SKI: variants seen among roughly 807,000 people sequenced by gnomAD.
The protein encoded by SKI is SKI proto-oncogene.
A neutral mutation model predicts 59.3 loss-of-function variants in SKI; 23 were observed. The ratio of observed to expected loss-of-function variants is 0.39; its 90% CI spans 0.28 to 0.55. The LOEUF (loss-of-function observed/expected upper bound fraction) is 0.55. SKI is among the 20% of genes least tolerant of loss of function. The pLI is 0.67. For synonymous variants in SKI, 673 were observed against 488.6 expected, an observed-to-expected ratio of 1.38 and a Z score of -4.98; for missense variants, 1,017 against 1,038.9, an observed-to-expected ratio of 0.98 and a Z score of 0.29.
At position 2,304,425 on chromosome 1, in the gene SKI, G is replaced by T; in HGVS notation, c.1607G>T (p.Ser536Ile). The stretch of plus-strand genomic sequence containing the variant: ...GCTGCGGCCCCTGCCGACGCCCCCA[G>T]TGGGCTGGAGGCGGAGCTGGAGCAC... ...PDAAAPADAP[S>I]GLEAELEHLR... The change falls in exon 5 of 7, where the codon AGT (serine) becomes ATT (isoleucine). Residue 536 changes from serine (S) to isoleucine (I), a missense_variant. By Grantham distance (142) the Ser-to-Ile change is moderately radical (BLOSUM62 -2). Coordinates refer to ENST00000378536, the MANE Select transcript of SKI (RefSeq NM_003036.4). 1 of 1,557,754 alleles carries T rather than the reference G, an allele frequency of 6.4e-7. No homozygotes were observed. The highest frequency in any genetic ancestry group is 8.7e-7 in the Non-Finnish European group (1 of 1,151,536).
At chr1:2,287,712 G>A (rs535111546) in intron 1 of SKI, among the ~76,000 whole-genome samples, 4 of 152,330 alleles carry the variant, frequency 2.6e-5, no homozygotes, top group South Asian at 2.1e-4. Context: ...CCTGTGTGGG[G>A]CGTGGGGGTG....
chr1:2,257,772 C>G (rs1257583192), intron 1 of SKI, among the ~76,000 whole-genome samples: 1 of 152,048 alleles, frequency 6.6e-6, no homozygotes, highest in South Asian at 2.1e-4. Context: ...GAACTTTGCT[C>G]TTGTTGCCCA....
intron 1 of SKI, among the ~76,000 whole-genome samples, chr1:2,254,652 C>T (rs1381964896): frequency 1.3e-5 from 2 of 152,294 alleles, no homozygotes; most frequent in East Asian, 1.9e-4. Context: ...GTGAAGTGGA[C>T]TGGGAGGTAG....
At chr1:2,240,723 G>A (rs926703851) in intron 1 of SKI, 83 of 985,346 alleles carry the variant, frequency 8.4e-5, no homozygotes, top group South Asian at 1.4e-4. Context: ...CCAGGAGAGC[G>A]GTGGCGCAGA....
At chr1:2,277,815 C>G (rs113170116) in intron 1 of SKI, among the ~76,000 whole-genome samples, 1 of 143,894 alleles carries the variant, frequency 6.9e-6, no homozygotes, top group African/African-American at 2.6e-5. Flanking sequence ...CCTGCACTCA[C>G]GCACACACCT....
intron 1 of SKI, among the ~76,000 whole-genome samples, chr1:2,301,415 G>A (rs1396333932): frequency 2.0e-5 from 3 of 151,306 alleles, no homozygotes; most frequent in African/African-American, 4.9e-5. Context: ...GGCCCTGTGC[G>A]CCCGAGCACT....
At chr1:2,236,209 T>C (rs1569680261) in intron 1 of SKI, among the ~76,000 whole-genome samples, 1 of 151,788 alleles carries the variant, frequency 6.6e-6, no homozygotes, top group Non-Finnish European at 1.5e-5. Context: ...GCCGTGGGGG[T>C]TGTTGCCTGT....
rs1639531211 is a variant in SKI at position 2,267,783 on chromosome 1, A to G, written c.970-35195A>G. Reference sequence around the variant, plus strand: ...GGCCTTTCTACTTCCAGACTGTCCCAGGACACGGGTCCACGGTCACACGGT... The same window carrying G: ...GGCCTTTCTACTTCCAGACTGTCCCGGGACACGGGTCCACGGTCACACGGT... On this transcript the variant is annotated intron_variant, in intron 1 of 6. Coordinates refer to ENST00000378536, the MANE Select transcript of SKI (RefSeq NM_003036.4). This position sits in a 1 kb window ranked among gnomAD's most constrained non-coding sequence, Gnocchi z 4.1. 6.6e-6 allele frequency among the ~76,000 whole-genome samples: 1 copy of G among 152,358 alleles called. No homozygotes were observed. Among genetic ancestry groups the G allele is most frequent in the South Asian group, 2.1e-4 (1 of 4,832 alleles).
chr1:2,288,527 C>CT (rs1159291627), intron 1 of SKI, among the ~76,000 whole-genome samples: 1 of 152,216 alleles, frequency 6.6e-6, no homozygotes, highest in East Asian at 1.9e-4. Flanking sequence ...GGGAGTGGCT[C>CT]TTTTCAGAGG....
rs1445331221 is a variant in SKI, at chr1:2,228,487, A to G, written c.-280A>G. The stretch of plus-strand genomic sequence containing the variant: ...CTAGAGCCCGGGGGGCGCGCGGGGG[A>G]CGCGCGGGGGGCCCGGGCGGCGGCG... On this transcript the variant is annotated 5_prime_UTR_variant, in exon 1 of 7. Transcript: ENST00000378536. Among the ~76,000 whole-genome samples, 17 of 132,042 alleles carry G rather than the reference A, an allele frequency of 1.3e-4. No homozygotes were observed. The highest frequency in any genetic ancestry group is 4.4e-4 in the African/African-American group (16 of 36,258). 86.6% of individuals were successfully genotyped at this position (132,042 alleles called of 152,430 possible).
intron 1 of SKI, among the ~76,000 whole-genome samples, chr1:2,256,324 G>T (rs576041264): frequency 6.6e-6 from 1 of 151,844 alleles, no homozygotes; most frequent in Non-Finnish European, 1.5e-5. Context: ...TTGGAGTTGC[G>T]TGCCTGACCT....
At position 2,298,410 on chromosome 1, in the gene SKI, G is replaced by A. The variant is rs1410999205; in HGVS notation, c.970-4568G>A. The stretch of plus-strand genomic sequence containing the variant: ...GCTGCTGCTGTGCGCCTCTCCCTTG[G>A]AGCAGGTGTGGTCCCCGGCTCCTGG... On this transcript the variant is annotated intron_variant, in intron 1 of 6. Transcript: ENST00000378536. 4.6e-5 allele frequency among the ~76,000 whole-genome samples: 7 copies of A among 152,300 alleles called. No individual in the cohort carries two copies. In the East Asian group the frequency reaches 1.2e-3, roughly 25 times the overall value.
Position 2,308,146 on chromosome 1 carries a change from GTATT to G in SKI, c.*1388_*1391del, listed in dbSNP as rs1204756763. 1 of 152,184 alleles carries G rather than the reference GTATT, an allele frequency of 6.6e-6. No individual in the cohort carries two copies. Among genetic ancestry groups the G allele is most frequent in the Non-Finnish European group, 1.5e-5 (1 of 68,030 alleles). The allele number at this position is 152,184 out of a possible 1,614,324, so 9.4% of individuals were successfully genotyped here. On this transcript the variant is annotated 3_prime_UTR_variant, in exon 7 of 7. Coordinates refer to ENST00000378536, the MANE Select transcript of SKI (RefSeq NM_003036.4). ...GGCGGCTACCTATCCTACAGTTACG[GTATT>G]TATTTACATAAGAAGATCTTACAGG... is the stretch of plus-strand genomic sequence containing the variant.
At chr1:2,260,557 T>TTTTTTTTTG (rs1449350333) in intron 1 of SKI, among the ~76,000 whole-genome samples, 6 of 141,990 alleles carry the variant, frequency 4.2e-5, no homozygotes, top group Non-Finnish European at 9.2e-5. Context: ...TTTTTTTTTT[T>TTTTTTTTTG]TGAGACAGGG....
At chr1:2,295,599 C>G (rs1640264799) in intron 1 of SKI, among the ~76,000 whole-genome samples, 1 of 152,194 alleles carries the variant, frequency 6.6e-6, no homozygotes, top group Non-Finnish European at 1.5e-5. Flanking sequence ...CCTGGTCATT[C>G]CATAGAAGTA....
At chr1:2,295,715 GGCTATGTGTCCAGGCC>G (rs1442153403) in intron 1 of SKI, among the ~76,000 whole-genome samples, 1 of 68,292 alleles carries the variant, frequency 1.5e-5, no homozygotes, top group African/African-American at 8.8e-5. Context: ...GGCCACGTGT[GGCTATGTGTCCAGGCC>G]ACGTGTGACT....
intron 1 of SKI, among the ~76,000 whole-genome samples, chr1:2,238,783 C>G (rs1256642315): frequency 6.6e-6 from 1 of 152,246 alleles, no homozygotes; most frequent in Non-Finnish European, 1.5e-5. Flanking sequence ...GAGCTGTGTG[C>G]AGAACCTCCG....
intron 1 of SKI, among the ~76,000 whole-genome samples, chr1:2,297,922 G>T (rs1217601689): frequency 6.6e-6 from 1 of 152,234 alleles, no homozygotes; most frequent in Non-Finnish European, 1.5e-5. Flanking sequence ...CTGAGGGGAC[G>T]CACGGGAGGG....
chr1:2,235,479 GCTCTGGCT>G (rs1452444088), intron 1 of SKI, among the ~76,000 whole-genome samples: 1 of 152,244 alleles, frequency 6.6e-6, no homozygotes, highest in East Asian at 1.9e-4. Context: ...CCCTCAGGAA[GCTCTGGCT>G]CACCCCGGGG....
Sources: gnomAD v4.1 joint callset for allele counts (sites outside exome capture counted in the v4.1 genomes callset) on GRCh38, gnomAD v4.1.1 for gene constraint, Gnocchi (gnomAD v3.1) non-coding constraint, MANE v1.5 for transcripts, NCBI Gene and HGNC (gene_info 2026-07-23, HGNC 2026-07-21) for gene names.